GPALPP1: variants seen among roughly 807,000 people sequenced by gnomAD.
The protein encoded by GPALPP1 is GPALPP motifs containing 1, also known as GPALPP motifs-containing protein 1.
Under a neutral mutation model 38.9 loss-of-function variants are expected in GPALPP1, and 30 were observed. The ratio of observed to expected loss-of-function variants is 0.77; its 90% CI spans 0.58 to 1.05. The LOEUF is 1.05. Ranked by LOEUF, GPALPP1 falls within the 50% of genes least tolerant of loss-of-function variation. The pLI, the probability that GPALPP1 is intolerant of heterozygous loss-of-function variation, is 0.00. For missense variants in GPALPP1, 384 were observed against 408.8 expected, an observed-to-expected ratio of 0.94 and a Z score of 0.52; for synonymous variants, 120 against 139.2, an observed-to-expected ratio of 0.86 and a Z score of 0.97.
At chr13:45,026,479 T>G (rs1170178548) in intron 7 of GPALPP1, among the ~76,000 whole-genome samples, 1 of 152,174 alleles carries the variant, frequency 6.6e-6, no homozygotes, top group Non-Finnish European at 1.5e-5. Context: ...CATATGACAC[T>G]CTGAATTCTG....
downstream of GPALPP1, among the ~76,000 whole-genome samples, chr13:45,032,760 G>C (rs1876263108): frequency 6.6e-6 from 1 of 151,136 alleles, no homozygotes; most frequent in South Asian, 2.1e-4. Flanking sequence ...GATTGGCCAG[G>C]TGCGGTGGCT....
chr13:45,017,832 A>G (rs1310439875), intron 6 of GPALPP1, among the ~76,000 whole-genome samples: 5 of 152,226 alleles, frequency 3.3e-5, no homozygotes, highest in Non-Finnish European at 5.9e-5. Flanking sequence ...AAAGGGATTA[A>G]TAAGTCTTAA....
chr13:45,019,631 C>T (rs574974044), intron 6 of GPALPP1, among the ~76,000 whole-genome samples: 1 of 144,784 alleles, frequency 6.9e-6, no homozygotes. Context: ...TCAAAATGTA[C>T]ACCTTTTATT....
chr13:44,991,714 C>G (rs917973188), intron 1 of GPALPP1, among the ~76,000 whole-genome samples: 1 of 152,222 alleles, frequency 6.6e-6, no homozygotes, highest in Non-Finnish European at 1.5e-5. Flanking sequence ...AGAAGCTGCA[C>G]TTGGACCATC....
rs1876020070 is a variant in GPALPP1 at position 45,028,753 on chromosome 13, C to T, written c.*750C>T. The T allele has an allele frequency of 6.8e-6, 1 of 147,440 alleles. No homozygotes were observed. Among genetic ancestry groups the T allele is most frequent in the Non-Finnish European group, 1.5e-5 (1 of 67,314 alleles). 9.1% of individuals were successfully genotyped at this position (147,440 alleles called of 1,614,324 possible). ...TCTGGGCAACAAAGTGAGACCTCGT[C>T]TCTTTAGAAAAAAAAAAAGAGGCCA... is the stretch of plus-strand genomic sequence containing the variant. On this transcript the variant is annotated 3_prime_UTR_variant, in exon 8 of 8. Transcript: ENST00000379151.
downstream of GPALPP1, chr13:45,031,027 G>A (rs1435065838): frequency 6.6e-6 from 1 of 152,172 alleles, no homozygotes; most frequent in South Asian, 2.1e-4. Flanking sequence ...CTGGTGGCGG[G>A]TGCCTGTAAT....
chr13:45,031,872 A>G (rs2138027631), downstream of GPALPP1: 1 of 152,328 alleles, frequency 6.6e-6, no homozygotes, highest in African/African-American at 2.4e-5. Flanking sequence ...GGACTTTTTA[A>G]TTTCCTACAT....
In GPALPP1 at chr13:45,017,617, C is replaced by T. The variant is rs565503543; in HGVS notation, c.705+2021C>T. 3.3e-5 allele frequency among the ~76,000 whole-genome samples: 5 copies of T among 152,138 alleles called. No individual in the cohort carries two copies. The East Asian group carries it at 9.6e-4, about 29-fold the overall frequency. On this transcript the variant is annotated intron_variant, in intron 6 of 7. Transcript: ENST00000379151. The stretch of plus-strand genomic sequence containing the variant: ...TTGTTCTTTTTTATATCCTGTTTCT[C>T]ATTGGAGATGAATAGATGTCTAGCT...
chr13:45,006,162 T>G (rs754908247), intron 2 of GPALPP1, 40 bp from the exon 3 acceptor site: 4 of 1,183,482 alleles, frequency 3.4e-6, no homozygotes, highest in Non-Finnish European at 2.4e-6. Flanking sequence ...TGAAAAAAAT[T>G]TTGACATATA....
downstream of GPALPP1, among the ~76,000 whole-genome samples, chr13:45,032,421 T>C (rs930117071): frequency 3.3e-5 from 5 of 152,104 alleles, no homozygotes; most frequent in Non-Finnish European, 5.9e-5. Flanking sequence ...TTTTTTGTTA[T>C]TGAGATGGAG....
In GPALPP1 at chr13:45,019,879, A is replaced by ATTTTTTTTT. The variant is rs34893767; in HGVS notation, c.706-436_706-428dup. ...TCTTATCAAGTATGTTAATATTTTG[A>ATTTTTTTTT]TTTTTTTTTTTTTTTTTTTTTTTGA... On this transcript the variant is annotated intron_variant, in intron 6 of 7. Coordinates refer to ENST00000379151, the MANE Select transcript of GPALPP1 (RefSeq NM_018559.5). 4.7e-3 allele frequency among the ~76,000 whole-genome samples: 401 copies of ATTTTTTTTT among 85,482 alleles called. 1 individual carries two copies. Among genetic ancestry groups the ATTTTTTTTT allele is most frequent in the Non-Finnish European group, 5.4e-3 (268 of 49,248 alleles). 56.1% of individuals were successfully genotyped at this position (85,482 alleles called of 152,430 possible).
At chr13:44,994,678 C>T (rs7986327) in intron 1 of GPALPP1, among the ~76,000 whole-genome samples, 101,683 of 152,008 alleles carry the variant, frequency 0.67, 37,019 homozygotes, top group Non-Finnish European at 0.81. Flanking sequence ...GGCCTCCTCA[C>T]GTGATAAACA....
chr13:45,013,938 G>A (rs563601787), intron 4 of GPALPP1, among the ~76,000 whole-genome samples: 2 of 152,218 alleles, frequency 1.3e-5, no homozygotes, highest in South Asian at 4.1e-4. Flanking sequence ...GATAGGAATT[G>A]GGCATATTCT....
intron 1 of GPALPP1, 51 bp from the exon 2 acceptor site, chr13:45,004,254 G>T: frequency 6.7e-7 from 1 of 1,502,096 alleles, no homozygotes; most frequent in Non-Finnish European, 9.1e-7. Flanking sequence ...AGCTAGAAGG[G>T]TTCATTGAAA....
intron 1 of GPALPP1, among the ~76,000 whole-genome samples, chr13:45,002,709 C>T (rs1296498754): frequency 6.6e-6 from 1 of 152,214 alleles, no homozygotes; most frequent in Non-Finnish European, 1.5e-5. Flanking sequence ...GAATTCAAAG[C>T]ACAGAGTCTG....
intron 3 of GPALPP1, 101 bp downstream of exon 3, chr13:45,006,404 ATATT>A (rs1229224668): frequency 1.7e-6 from 1 of 604,708 alleles, no homozygotes; most frequent in Non-Finnish European, 2.9e-6. Context: ...TTTAACTGAA[ATATT>A]TATATAACAT....
chr13:44,989,623 C>CTCA lies in GPALPP1; in HGVS notation c.-30_-28dup. On this transcript the variant is annotated 5_prime_UTR_variant, in exon 1 of 8. Coordinates refer to ENST00000379151, the MANE Select transcript of GPALPP1 (RefSeq NM_018559.5). ...GATAGGGTTGACGTTCGTGGATAGA[C>CTCA]TCATATCTGTGACCAGTGTCCGCCA... 5.7e-6 allele frequency: 9 copies of CTCA among 1,578,860 alleles called. No individual in the cohort carries two copies. Among genetic ancestry groups the CTCA allele is most frequent in the Non-Finnish European group, 7.0e-6 (8 of 1,149,108 alleles).
Position 45,028,396 on chromosome 13 carries a change from T to C in GPALPP1, c.*393T>C, listed in dbSNP as rs1448478579. The C allele has an allele frequency of 1.3e-5, 2 of 157,614 alleles. No homozygotes were observed. Among genetic ancestry groups the C allele is most frequent in the Non-Finnish European group, 2.8e-5 (2 of 72,416 alleles). The allele number at this position is 157,614 out of a possible 1,614,324, so 9.8% of individuals were successfully genotyped here. On this transcript the variant is annotated 3_prime_UTR_variant, in exon 8 of 8. Coordinates refer to ENST00000379151, the MANE Select transcript of GPALPP1 (RefSeq NM_018559.5). ...ATGTTTGTTGCTTAGAAAGGTCCCCTATAAGTTAAGGTTCAAAACTATTCC... is the reference window on the plus strand; with the variant it reads ...ATGTTTGTTGCTTAGAAAGGTCCCCCATAAGTTAAGGTTCAAAACTATTCC...
At chr13:45,033,026 G>A (rs1876278230), downstream of GPALPP1, among the ~76,000 whole-genome samples, 1 of 149,266 alleles carries the variant, frequency 6.7e-6, no homozygotes, top group African/African-American at 2.5e-5. Context: ...GACAGAGCGA[G>A]ACTCCATCTC....
Sources: allele counts gnomAD v4.1 joint callset (sites outside exome capture counted in the v4.1 genomes callset), GRCh38; gene constraint gnomAD v4.1.1; transcripts MANE v1.5; gene names NCBI Gene and HGNC (gene_info 2026-07-23, HGNC 2026-07-21).